Variants in CEP164 observed in about 807,000 individuals in gnomAD.
CEP164 encodes centrosomal protein 164.
A neutral mutation model predicts 182.7 loss-of-function variants in CEP164; 162 were observed. The observed-to-expected ratio is 0.89, with a 90% confidence interval of 0.78 to 1.01. The LOEUF (loss-of-function observed/expected upper bound fraction) is 1.01. Among genes scored for constraint, CEP164 ranks in the 50% least tolerant of loss-of-function variants. CEP164 has a pLI of 0.00. For missense variants in CEP164, 1,735 were observed against 1,790.4 expected (o/e 0.97, Z 0.56); for synonymous variants, 661 against 690.0 (o/e 0.96, Z 0.66).
intron 27 of CEP164, among the ~76,000 whole-genome samples, chr11:117,398,503 G>C (rs1002587546): frequency 6.6e-6 from 1 of 152,232 alleles, no homozygotes; most frequent in African/African-American, 2.4e-5. Flanking sequence ...TGTCCCTTCT[G>C]AACTGCCCTA....
At chr11:117,398,725 T>A (rs1373328540) in intron 27 of CEP164, among the ~76,000 whole-genome samples, 2 of 152,240 alleles carry the variant, frequency 1.3e-5, no homozygotes, top group African/African-American at 4.8e-5. Context: ...TGCCCCCTTT[T>A]AGCAATGGCT....
At chr11:117,396,206 G>T (rs373540289) in intron 25 of CEP164, 26 bp downstream of exon 25, 1 of 1,559,464 alleles carries the variant, frequency 6.4e-7, no homozygotes, top group South Asian at 1.1e-5. Flanking sequence ...GGGCCTGGGG[G>T]CTGGGGCACC....
At chr11:117,382,710 T>C in intron 13 of CEP164, 86 bp from the exon 14 acceptor site, 1 of 1,490,532 alleles carries the variant, frequency 6.7e-7, no homozygotes, top group Non-Finnish European at 9.1e-7. Context: ...GTCTCTGTCA[T>C]AGCTCTTTGA....
intron 18 of CEP164, 27 bp from the exon 19 acceptor site, chr11:117,392,469 C>G (rs757745784): frequency 1.1e-4 from 178 of 1,607,236 alleles, no homozygotes; most frequent in Middle Eastern, 5.0e-4. Flanking sequence ...GGGTCACACT[C>G]CCCTGTGTGT....
intron 5 of CEP164, among the ~76,000 whole-genome samples, chr11:117,358,578 C>T (rs2040576867): frequency 7.2e-6 from 1 of 138,506 alleles, no homozygotes. Flanking sequence ...GAGTTTTGCT[C>T]TGTTGTCCAT....
At chr11:117,381,592 A>C in intron 12 of CEP164, 109 bp from the exon 13 acceptor site, 1 of 1,301,634 alleles carries the variant, frequency 7.7e-7, no homozygotes, top group Non-Finnish European at 1.0e-6. Flanking sequence ...GGGCTGGAGC[A>C]TAACCCAGGA....
intron 27 of CEP164, among the ~76,000 whole-genome samples, chr11:117,397,611 A>C (rs560976762): frequency 2.6e-5 from 4 of 152,336 alleles, no homozygotes; most frequent in African/African-American, 9.6e-5. Context: ...ATGGCTGGGG[A>C]GGCCTCAGAA....
At chr11:117,354,432 T>C (rs2040067501) in intron 5 of CEP164, among the ~76,000 whole-genome samples, 3 of 152,216 alleles carry the variant, frequency 2.0e-5, no homozygotes, top group Admixed American at 1.3e-4. Context: ...GAGCCCTGTT[T>C]TCAAGTCAGT....
In CEP164 at chr11:117,409,868, A is replaced by T. The variant is rs201718007; in HGVS notation, c.3999A>T (p.Gln1333His). The change falls in exon 30 of 33, where the codon CAA (glutamine) becomes CAT (histidine). Residue 1333 changes from glutamine to histidine, a missense_variant. Physicochemically the swap from Gln to His is conservative, Grantham distance 24. Transcript: ENST00000278935. This position sits in a 1 kb window ranked among gnomAD's most constrained non-coding sequence, Gnocchi z 4.4. ...ALSSATPTSTQWAWDSGQGPR... is the reference protein window; with the variant it reads ...ALSSATPTSTHWAWDSGQGPR... ...CATCTGCTACACCCACGTCCACCCAATGGGCCTGGGATTCAGGGCAGGGGC... is the reference window on the plus strand; with the variant it reads ...CATCTGCTACACCCACGTCCACCCATTGGGCCTGGGATTCAGGGCAGGGGC... 1 of 1,605,438 alleles carries T rather than the reference A, an allele frequency of 6.2e-7. No individual in the cohort carries two copies. Among genetic ancestry groups the T allele is most frequent in the Admixed American group, 1.7e-5 (1 of 58,730 alleles).
At chr11:117,346,675 G>T (rs1242696) in intron 4 of CEP164, among the ~76,000 whole-genome samples, 58,067 of 151,752 alleles carry the variant, frequency 0.38, 11,377 homozygotes, top group East Asian at 0.57. Context: ...ATCAGTCTGG[G>T]CAATGTGGCG....
intron 4 of CEP164, among the ~76,000 whole-genome samples, chr11:117,345,272 A>G (rs2038719160): frequency 6.6e-6 from 1 of 152,174 alleles, no homozygotes; most frequent in African/African-American, 2.4e-5. Flanking sequence ...AGAAGGAGCC[A>G]TGTCACTGCC....
At chr11:117,361,233 CTTTTTTT>C (rs71469129) in intron 5 of CEP164, among the ~76,000 whole-genome samples, 12 of 90,196 alleles carry the variant, frequency 1.3e-4, no homozygotes, top group African/African-American at 5.0e-4. Context: ...CTGCGCCTGG[CTTTTTTT>C]TTTTTTTTTT....
intron 2 of CEP164, among the ~76,000 whole-genome samples, chr11:117,337,680 G>C (rs1014486802): frequency 6.6e-6 from 1 of 151,790 alleles, no homozygotes. Context: ...TTATCATCTC[G>C]CCCCTGGGCA....
At position 117,412,277 on chromosome 11, in the gene CEP164, G is replaced by A; in HGVS notation, c.*109G>A. ...GAGAAAGCACCCTCCTTCCCCCTTTGACTTGCAGGAGCCACCAGGGACCAG... is the reference window on the plus strand; with the variant it reads ...GAGAAAGCACCCTCCTTCCCCCTTTAACTTGCAGGAGCCACCAGGGACCAG... On this transcript the variant is annotated 3_prime_UTR_variant, in exon 33 of 33. Transcript: ENST00000278935. The A allele has an allele frequency of 2.1e-6, 2 of 953,144 alleles. No individual in the cohort carries two copies. The highest frequency in any genetic ancestry group is 5.3e-5 in the Admixed American group (2 of 37,890). 59.0% of individuals were successfully genotyped at this position (953,144 alleles called of 1,614,324 possible).
At chr11:117,368,183 G>A (rs1221730519) in intron 8 of CEP164, among the ~76,000 whole-genome samples, 1 of 152,190 alleles carries the variant, frequency 6.6e-6, no homozygotes, top group Non-Finnish European at 1.5e-5. Context: ...TATATGATGG[G>A]GAAGGCTCAT....
At chr11:117,334,784 C>CAA (rs5795074) in intron 1 of CEP164, among the ~76,000 whole-genome samples, 46,007 of 102,454 alleles carry the variant, frequency 0.45, 9,198 homozygotes, top group East Asian at 0.67. Flanking sequence ...GACTTCGTTT[C>CAA]AAAAAAAAAA....
At position 117,381,823 on chromosome 11, in the gene CEP164, GGGA is replaced by G; in HGVS notation, c.1536_1538del (p.Glu512del). On this transcript the variant is annotated inframe_deletion, in exon 13 of 33. Coordinates refer to ENST00000278935, the MANE Select transcript of CEP164 (RefSeq NM_014956.5). ...GAGTGGAAGGAGGCAGAGGAGCTTGGGGAGGACTCTGCAGCCAGCCTCAGCCTG... is the reference window on the plus strand; with the variant it reads ...GAGTGGAAGGAGGCAGAGGAGCTTGGGGACTCTGCAGCCAGCCTCAGCCTG... 1.3e-6 allele frequency: 2 copies of G among 1,545,226 alleles called. No homozygotes were observed. Among genetic ancestry groups the G allele is most frequent in the Non-Finnish European group, 8.7e-7 (1 of 1,144,776 alleles).
At chr11:117,337,448 A>G (rs966932113) in intron 2 of CEP164, among the ~76,000 whole-genome samples, 1 of 149,908 alleles carries the variant, frequency 6.7e-6, no homozygotes, top group Non-Finnish European at 1.5e-5. Context: ...CTGAGGCGGG[A>G]GCATTGCTTG....
rs1307070483 is a variant in CEP164 at position 117,387,195 on chromosome 11, C to T, written c.1725-8C>T. ...CTGTGATGATATGCCATTCCCCACC[C>T]ATGGTAGGCGATCCACAGAGCCTGT... On this transcript the variant is annotated splice_region_variant and splice_polypyrimidine_tract_variant and intron_variant, in intron 14 of 32. Coordinates refer to ENST00000278935, the MANE Select transcript of CEP164 (RefSeq NM_014956.5). 2 of 1,613,514 alleles carry T rather than the reference C, an allele frequency of 1.2e-6. No individual in the cohort carries two copies. Among genetic ancestry groups the T allele is most frequent in the African/African-American group, 2.7e-5 (2 of 74,926 alleles).
Sources: allele counts gnomAD v4.1 joint callset (sites outside exome capture counted in the v4.1 genomes callset), GRCh38; gene constraint gnomAD v4.1.1; non-coding constraint Gnocchi (gnomAD v3.1); transcripts MANE v1.5; gene names NCBI Gene and HGNC (gene_info 2026-07-23, HGNC 2026-07-21).